BCAR3: variants seen among roughly 807,000 people sequenced by gnomAD.
The protein encoded by BCAR3 is BCAR3 adaptor protein, NSP family member.
In BCAR3, 37 loss-of-function variants were observed where a neutral mutation model predicts 80.1. That is an observed-to-expected ratio of 0.46 (90% CI 0.36 to 0.61). BCAR3 has a LOEUF of 0.61. Ranked by LOEUF, BCAR3 falls within the 20% of genes least tolerant of loss-of-function variation. BCAR3 has a pLI of 0.00. For missense variants in BCAR3, 978 were observed against 1,068.2 expected (o/e 0.92, Z 1.18); for synonymous variants, 389 against 418.9 (o/e 0.93, Z 0.87).
intron 2 of BCAR3, among the ~76,000 whole-genome samples, chr1:93,724,823 T>C (rs1430717694): frequency 2.0e-5 from 3 of 152,262 alleles, no homozygotes; most frequent in East Asian, 3.9e-4. Flanking sequence ...GGTGGAGGTG[T>C]CCTCAAGGGT....
intron 2 of BCAR3, among the ~76,000 whole-genome samples, chr1:93,787,705 T>G (rs552670280): frequency 6.6e-6 from 1 of 152,358 alleles, no homozygotes; most frequent in East Asian, 1.9e-4. Flanking sequence ...TTTCTTAAAT[T>G]TATTGAGAAT....
At position 93,825,304 on chromosome 1, in the gene BCAR3, C is replaced by T. The variant is rs1410965558; in HGVS notation, c.-63+20263G>A. 1.5e-5 allele frequency among the ~76,000 whole-genome samples: 2 copies of T among 133,122 alleles called. 1 individual carries two copies. The allele number at this position is 133,122 out of a possible 152,430, so 87.3% of individuals were successfully genotyped here. On this transcript the variant is annotated intron_variant, in intron 2 of 13. Transcript: ENST00000370244. ...CCAGCACAGCTATCCACCTGAAGTG[C>T]ACTCACCATGGGCAGCCTGGCCTTG...
chr1:93,726,190 G>A (rs185966803), intron 2 of BCAR3, among the ~76,000 whole-genome samples: 1 of 151,956 alleles, frequency 6.6e-6, no homozygotes, highest in Non-Finnish European at 1.5e-5. Flanking sequence ...TCAGCCTCCT[G>A]AGTAGCTTAG....
At chr1:93,820,123 A>G (rs891256975) in intron 2 of BCAR3, among the ~76,000 whole-genome samples, 2 of 152,220 alleles carry the variant, frequency 1.3e-5, no homozygotes, top group Non-Finnish European at 2.9e-5. Flanking sequence ...GATGCTACTC[A>G]AGTATCCAGA....
chr1:93,698,095 G>A (rs139499554), intron 3 of BCAR3, among the ~76,000 whole-genome samples: 328 of 152,334 alleles, frequency 2.2e-3, no homozygotes, highest in African/African-American at 7.1e-3. Flanking sequence ...GGGCTACGGC[G>A]GAGGCAGGAG....
intron 2 of BCAR3, among the ~76,000 whole-genome samples, chr1:93,665,633 C>T (rs902288316): frequency 6.6e-6 from 1 of 152,148 alleles, no homozygotes; most frequent in Non-Finnish European, 1.5e-5. Context: ...TGTGCAGACT[C>T]CTAACTTTAT....
chr1:93,759,530 C>T (rs546679920), intron 2 of BCAR3, among the ~76,000 whole-genome samples: 2 of 152,240 alleles, frequency 1.3e-5, no homozygotes, highest in African/African-American at 4.8e-5. Flanking sequence ...TGGGGCCTCA[C>T]AAGCAATTTT....
chr1:93,658,449 C>G (rs1008102503), intron 2 of BCAR3, among the ~76,000 whole-genome samples: 3 of 151,892 alleles, frequency 2.0e-5, no homozygotes, highest in Admixed American at 1.3e-4. Flanking sequence ...GAGTTCAAGA[C>G]CAGTCTGGGC....
rs2100824009 is a variant in BCAR3 at position 93,824,581 on chromosome 1, C to G, written c.-63+20986G>C. 1.5e-5 allele frequency among the ~76,000 whole-genome samples: 2 copies of G among 132,772 alleles called. 1 individual carries two copies. Among genetic ancestry groups the G allele is most frequent in the Middle Eastern group, 7.8e-3 (2 of 256 alleles). 87.1% of individuals were successfully genotyped at this position (132,772 alleles called of 152,430 possible). On this transcript the variant is annotated intron_variant, in intron 2 of 13. Transcript: ENST00000370244. The stretch of plus-strand genomic sequence containing the variant: ...AGGGTCCGGCAGCTCTCCTTGCATC[C>G]CCGACCTTACCCCCACCACCTCTCT...
At chr1:93,817,052 C>T (rs926511734) in intron 2 of BCAR3, among the ~76,000 whole-genome samples, 4 of 152,208 alleles carry the variant, frequency 2.6e-5, no homozygotes, top group African/African-American at 4.8e-5. Flanking sequence ...TGGATGGTTC[C>T]GCAATATCTG....
chr1:93,719,573 AC>A (rs1650316803), intron 2 of BCAR3, among the ~76,000 whole-genome samples: 2 of 151,494 alleles, frequency 1.3e-5, no homozygotes, highest in South Asian at 4.2e-4. Flanking sequence ...CGATCTCCTG[AC>A]CTCGTGATCT....
intron 3 of BCAR3, among the ~76,000 whole-genome samples, chr1:93,620,760 C>T (rs568416037): frequency 3.7e-4 from 56 of 152,280 alleles, no homozygotes; most frequent in African/African-American, 1.3e-3. Context: ...CATATTTCCC[C>T]GCCCTGTATT....
intron 3 of BCAR3, among the ~76,000 whole-genome samples, chr1:93,700,534 TC>T (rs923139978): frequency 6.6e-6 from 1 of 152,188 alleles, no homozygotes; most frequent in African/African-American, 2.4e-5. Flanking sequence ...TACCTGAGCA[TC>T]CCCGATGGGC....
intron 3 of BCAR3, among the ~76,000 whole-genome samples, chr1:93,607,050 G>C (rs1385947610): frequency 2.0e-5 from 3 of 152,178 alleles, no homozygotes; most frequent in African/African-American, 7.2e-5. Context: ...GAGAGTTTAT[G>C]CATGTATGAT....
At chr1:93,680,486 CCCAGCACTGAGGCCTCTCCCAGCCT>C (rs1648703747) in intron 1 of BCAR3, among the ~76,000 whole-genome samples, 1 of 152,166 alleles carries the variant, frequency 6.6e-6, no homozygotes, top group Non-Finnish European at 1.5e-5. Context: ...GGGCCCCACC[CCCAGCACTGAGGCCTCTCCCAGCCT>C]CCAGGATCTC....
At chr1:93,707,918 T>C (rs1330307280) in intron 2 of BCAR3, among the ~76,000 whole-genome samples, 2 of 152,180 alleles carry the variant, frequency 1.3e-5, no homozygotes, top group African/African-American at 2.4e-5. Context: ...AAACAACAGA[T>C]GACCCACATA....
intron 7 of BCAR3, among the ~76,000 whole-genome samples, chr1:93,576,417 G>A (rs1053153964): frequency 6.6e-6 from 1 of 152,242 alleles, no homozygotes; most frequent in African/African-American, 2.4e-5. Context: ...CCAGAGAACA[G>A]TTTAGTTCTC....
At chr1:93,728,377 C>T (rs1485669106) in intron 2 of BCAR3, among the ~76,000 whole-genome samples, 2 of 152,192 alleles carry the variant, frequency 1.3e-5, no homozygotes, top group South Asian at 2.1e-4. Context: ...CCCCAGTGGG[C>T]GTGTGTTACA....
At chr1:93,814,049 A>T (rs964209986) in intron 2 of BCAR3, among the ~76,000 whole-genome samples, 2 of 152,212 alleles carry the variant, frequency 1.3e-5, no homozygotes, top group African/African-American at 4.8e-5. Context: ...GGAAAATCAC[A>T]GAATTGATGT....
Sources: allele counts gnomAD v4.1 joint callset (sites outside exome capture counted in the v4.1 genomes callset), GRCh38; gene constraint gnomAD v4.1.1; transcripts MANE v1.5; gene names NCBI Gene and HGNC (gene_info 2026-07-23, HGNC 2026-07-21).